Variants in TMEM232 observed in about 807,000 individuals in gnomAD.
TMEM232 encodes transmembrane protein 232.
A neutral mutation model predicts 78.8 loss-of-function variants in TMEM232; 80 were observed. That is an observed-to-expected ratio of 1.01 (90% CI 0.85 to 1.22). TMEM232 has a LOEUF of 1.22. TMEM232 is among the 50% of genes most tolerant of loss of function. The pLI is 0.00. For missense variants in TMEM232, 881 were observed against 742.2 expected, an observed-to-expected ratio of 1.19 and a Z score of -2.17; for synonymous variants, 297 against 254.3, an observed-to-expected ratio of 1.17 and a Z score of -1.60.
chr5:110,561,564 A>C (rs1202200751), intron 11 of TMEM232, among the ~76,000 whole-genome samples: 1 of 152,148 alleles, frequency 6.6e-6, no homozygotes, highest in African/African-American at 2.4e-5. Context: ...ATATTGAAGA[A>C]TATAGCAGAC....
intron 10 of TMEM232, among the ~76,000 whole-genome samples, chr5:110,576,692 G>C (rs1381425750): frequency 6.6e-6 from 1 of 152,012 alleles, no homozygotes; most frequent in Non-Finnish European, 1.5e-5. Context: ...CAGATACATA[G>C]ACCAATGGAA....
At chr5:110,532,578 C>G (rs1771691453) in intron 11 of TMEM232, among the ~76,000 whole-genome samples, 1 of 151,892 alleles carries the variant, frequency 6.6e-6, no homozygotes, top group Non-Finnish European at 1.5e-5. Flanking sequence ...TTTTAGTATC[C>G]CCACCTGCCC....
At chr5:110,570,419 G>A (rs1458850127) in intron 10 of TMEM232, among the ~76,000 whole-genome samples, 4 of 151,912 alleles carry the variant, frequency 2.6e-5, no homozygotes, top group Non-Finnish European at 5.9e-5. Context: ...CAAGTAATTG[G>A]CAAGTCTGGG....
intron 11 of TMEM232, among the ~76,000 whole-genome samples, chr5:110,547,126 T>C (rs748428217): frequency 7.4e-4 from 112 of 152,276 alleles, no homozygotes; most frequent in Admixed American, 2.0e-4. Context: ...CAAAATAATT[T>C]TTCTAAAACT....
At chr5:110,445,118 T>G (rs1251329556) in intron 12 of TMEM232, among the ~76,000 whole-genome samples, 1 of 151,930 alleles carries the variant, frequency 6.6e-6, no homozygotes, top group Non-Finnish European at 1.5e-5. Context: ...ATTTTAGAGT[T>G]TTTTTGGACA....
chr5:110,522,781 T>C (rs1330674235), intron 12 of TMEM232, among the ~76,000 whole-genome samples: 1 of 152,184 alleles, frequency 6.6e-6, no homozygotes, highest in Non-Finnish European at 1.5e-5. Flanking sequence ...AGTCATGATG[T>C]ATGATTATTT....
At chr5:110,505,631 C>T (rs189551624) in intron 12 of TMEM232, among the ~76,000 whole-genome samples, 89 of 152,200 alleles carry the variant, frequency 5.8e-4, no homozygotes, top group African/African-American at 2.0e-3. Flanking sequence ...CTCAGCCTCC[C>T]GAGCAGCTGG....
intron 10 of TMEM232, among the ~76,000 whole-genome samples, chr5:110,595,412 A>G (rs1476442281): frequency 6.6e-6 from 1 of 152,186 alleles, no homozygotes; most frequent in African/African-American, 2.4e-5. Context: ...ACAAAACCGT[A>G]TGAAGAAAGA....
chr5:110,534,590 A>C (rs532429522), intron 11 of TMEM232, among the ~76,000 whole-genome samples: 1 of 152,252 alleles, frequency 6.6e-6, no homozygotes, highest in East Asian at 1.9e-4. Flanking sequence ...CTGTCTAGTC[A>C]TACTCCTATT....
At chr5:110,662,039 G>T (rs368603799) in intron 2 of TMEM232, among the ~76,000 whole-genome samples, 1 of 152,006 alleles carries the variant, frequency 6.6e-6, no homozygotes, top group African/African-American at 2.4e-5. Context: ...ATATATTCTG[G>T]TTAATAGTCC....
At chr5:110,667,187 T>C in intron 2 of TMEM232, 41 bp downstream of exon 2, 1 of 1,433,248 alleles carries the variant, frequency 7.0e-7, no homozygotes, top group Non-Finnish European at 9.3e-7. Flanking sequence ...TTCTAAATTC[T>C]CTACAATACA....
chr5:110,510,722 T>C (rs1216306076), intron 12 of TMEM232, among the ~76,000 whole-genome samples: 1 of 152,052 alleles, frequency 6.6e-6, no homozygotes, highest in Non-Finnish European at 1.5e-5. Context: ...CACAGAGAAA[T>C]GCAAATCAAA....
chr5:110,418,620 T>TA (rs1756367286), downstream of TMEM232, among the ~76,000 whole-genome samples: 1 of 152,022 alleles, frequency 6.6e-6, no homozygotes, highest in South Asian at 2.1e-4. Flanking sequence ...AGGGTTACTT[T>TA]AAAAAAAGGC....
Position 110,579,275 on chromosome 5 carries a change from G to A in TMEM232, c.1277-10650C>T, listed in dbSNP as rs182669985. Among the ~76,000 whole-genome samples, 529 of 148,728 alleles carry A rather than the reference G, an allele frequency of 3.6e-3. 2 individuals carry two copies. The highest frequency in any genetic ancestry group is 6.4e-3 in the Admixed American group (96 of 14,886). ...AACTGCAGTTTAAAAAAAAAAAACC[G>A]AAATACTTTCTCAGACAAACAAAAG... On this transcript the variant is annotated intron_variant, in intron 10 of 13. Coordinates refer to ENST00000455884, the MANE Select transcript of TMEM232 (RefSeq NM_001039763.4).
intron 11 of TMEM232, among the ~76,000 whole-genome samples, chr5:110,556,857 C>T (rs2149638518): frequency 6.6e-6 from 1 of 152,180 alleles, no homozygotes; most frequent in East Asian, 1.9e-4. Flanking sequence ...AACTATGAGT[C>T]TTGATGATGG....
rs563564950 is a variant in TMEM232 at position 110,484,430 on chromosome 5, C to T, written c.1703+44158G>A. Among the ~76,000 whole-genome samples, 204 of 152,002 alleles carry T rather than the reference C, an allele frequency of 1.3e-3. 5 individuals are homozygous for T. In the South Asian group the frequency reaches 0.042, roughly 31 times the overall value. On this transcript the variant is annotated intron_variant, in intron 12 of 13. Coordinates refer to ENST00000455884, the MANE Select transcript of TMEM232 (RefSeq NM_001039763.4). ...ATACAAAGAGGAACAAAAAGACATA[C>T]AACATATAGAAAAAAATGAAAAATG...
At chr5:110,642,147 A>T (rs574936944) in intron 3 of TMEM232, 113 bp downstream of exon 3, 9 of 601,432 alleles carry the variant, frequency 1.5e-5, no homozygotes, top group Non-Finnish European at 2.1e-5. Flanking sequence ...ATCCCTACTT[A>T]TAATTAAAGA....
At chr5:110,391,952 G>A (rs1317160901) in intron 3 of TMEM232, among the ~76,000 whole-genome samples, 1 of 152,080 alleles carries the variant, frequency 6.6e-6, no homozygotes, top group Non-Finnish European at 1.5e-5. Flanking sequence ...AACTGAGCTT[G>A]GTACATGACA....
intron 12 of TMEM232, among the ~76,000 whole-genome samples, chr5:110,475,330 C>T (rs1418975395): frequency 6.6e-6 from 1 of 151,436 alleles, no homozygotes; most frequent in Non-Finnish European, 1.5e-5. Context: ...AGGAAGAAAA[C>T]TTTTGATGCC....
Sources: gnomAD v4.1 joint callset for allele counts (sites outside exome capture counted in the v4.1 genomes callset) on GRCh38, gnomAD v4.1.1 for gene constraint, MANE v1.5 for transcripts, NCBI Gene and HGNC (gene_info 2026-07-23, HGNC 2026-07-21) for gene names.